The following NUTM1 variants were observed in gnomAD, a reference collection of about 807,000 sequenced individuals.
NUTM1 encodes NUT family member 1.
A neutral mutation model predicts 88.7 loss-of-function variants in NUTM1; 39 were observed. The observed-to-expected ratio is 0.44, with a 90% CI of 0.34 to 0.57. NUTM1 has a LOEUF of 0.57. Ranked by LOEUF, NUTM1 falls within the 20% of genes least tolerant of loss-of-function variation. The pLI, the probability that NUTM1 is intolerant of heterozygous loss-of-function variation, is 0.01. For synonymous variants in NUTM1, 494 were observed against 538.0 expected (o/e 0.92, Z 1.13); for missense variants, 1,350 against 1,414.5 (o/e 0.95, Z 0.73).
Position 34,356,181 on chromosome 15 carries a change from A to G in NUTM1, c.2173A>G (p.Met725Val), listed in dbSNP as rs1246727362. The G allele has an allele frequency of 3.1e-6, 5 of 1,610,454 alleles. No homozygotes were observed. Among genetic ancestry groups the G allele is most frequent in the African/African-American group, 2.7e-5 (2 of 74,854 alleles). ...AMWGDDRGTP[M>V]AQSYDQNPSP... ...GTGGGGAGATGACAGAGGTACCCCC[A>G]TGGCTCAGAGTTATGATCAGAATCC... Residue 725 changes from methionine (M) to valine (V), a missense_variant, in exon 8 of 8, where the codon ATG (methionine) becomes GTG (valine). Met to Val is a conservative substitution (Grantham distance 21). This residue lies in a region of NUTM1 where 730 missense variants were observed against 728.8 expected (regional missense o/e 1.00). Transcript: ENST00000537011.
chr15:34,345,639 G>A (rs1328393919), intron 1 of NUTM1, among the ~76,000 whole-genome samples: 1 of 152,174 alleles, frequency 6.6e-6, no homozygotes, highest in Non-Finnish European at 1.5e-5. Flanking sequence ...GAGATATGTT[G>A]GTGAAGAATC....
intron 5 of NUTM1, 96 bp from the exon 6 acceptor site, chr15:34,354,350 C>T (rs1161741646): frequency 9.8e-6 from 13 of 1,321,422 alleles, no homozygotes; most frequent in Non-Finnish European, 1.4e-5. Context: ...ACTTCCCATT[C>T]TCCTGTCCAT....
chr15:34,350,045 C>T (rs73376034), intron 3 of NUTM1, among the ~76,000 whole-genome samples: 2,036 of 152,250 alleles, frequency 0.013, 51 homozygotes, highest in African/African-American at 0.048. Flanking sequence ...TTGATTATAA[C>T]GAGCTTCCCC....
Position 34,356,034 on chromosome 15 carries a change from G to A in NUTM1, c.2026G>A (p.Gly676Arg), listed in dbSNP as rs368816008. Reference sequence around the variant, plus strand: ...ACTTGCAGAGCTGGCTCCTCTGCAAGGACAAGGGTTAGAAAAGCAAGTCCT... The same window carrying A: ...ACTTGCAGAGCTGGCTCCTCTGCAAAGACAAGGGTTAGAAAAGCAAGTCCT... ...AGLAELAPLQ[G>R]QGLEKQVLGL... Residue 676 changes from glycine to arginine, a missense_variant, in exon 8 of 8, where the codon GGA becomes AGA. Coordinates refer to ENST00000537011, the MANE Select transcript of NUTM1 (RefSeq NM_001284292.2). 6.2e-5 allele frequency: 100 copies of A among 1,614,026 alleles called. No individual in the cohort carries two copies. The highest frequency in any genetic ancestry group is 8.1e-5 in the Non-Finnish European group (96 of 1,180,022).
intron 2 of NUTM1, among the ~76,000 whole-genome samples, chr15:34,346,869 C>A (rs1890600454): frequency 1.1e-5 from 1 of 87,848 alleles, no homozygotes; most frequent in African/African-American, 4.8e-5. Context: ...GGCCACAGAG[C>A]AAGACTCCAT....
intron 5 of NUTM1, among the ~76,000 whole-genome samples, chr15:34,354,083 A>C (rs1474190306): frequency 1.3e-5 from 2 of 151,696 alleles, no homozygotes; most frequent in Non-Finnish European, 2.9e-5. Flanking sequence ...GGTGAAGTAA[A>C]CTGACTACTC....
chr15:34,347,569 A>T (rs1383941626), intron 2 of NUTM1, among the ~76,000 whole-genome samples: 1 of 152,086 alleles, frequency 6.6e-6, no homozygotes, highest in Non-Finnish European at 1.5e-5. Context: ...CTACAAAAAA[A>T]TTTAAAAATA....
intron 1 of NUTM1, 64 bp downstream of exon 1, chr15:34,343,766 A>C (rs1890529886): frequency 2.8e-6 from 4 of 1,422,154 alleles, no homozygotes; most frequent in Non-Finnish European, 1.9e-6. Flanking sequence ...TTTTAAAAGA[A>C]TATAGAAGTT....
chr15:34,348,821 T>TTAA (rs989514126), intron 3 of NUTM1, 144 bp downstream of exon 3: 3 of 614,956 alleles, frequency 4.9e-6, no homozygotes, highest in Non-Finnish European at 8.5e-6. Context: ...GAAAAACATA[T>TTAA]TAATAATAAT....
chr15:34,345,379 C>T (rs1372405203), intron 1 of NUTM1, among the ~76,000 whole-genome samples: 1 of 152,224 alleles, frequency 6.6e-6, no homozygotes. Context: ...CTGTGGAGTA[C>T]AGAGCCTATG....
In NUTM1 at chr15:34,354,639, A is replaced by C. The variant is rs1165174741; in HGVS notation, c.1269A>C (p.Glu423Asp). Residue 423 changes from glutamate (E) to aspartate (D), a missense_variant, in exon 6 of 8, where the codon GAA (glutamate) becomes GAC (aspartate). Glu to Asp is a conservative substitution (Grantham distance 45). This residue lies in a region of NUTM1 where 126 missense variants were observed against 189.8 expected (regional missense o/e 0.66). Coordinates refer to ENST00000537011, the MANE Select transcript of NUTM1 (RefSeq NM_001284292.2). The part of the protein sequence containing the change: ...TGESDGKQEE[E>D]GQQQEEEGMY... The stretch of plus-strand genomic sequence containing the variant: ...AGTCAGATGGAAAACAAGAGGAAGA[A>C]GGGCAGCAGCAGGAGGAGGAAGGGA... 2 of 1,614,190 alleles carry C rather than the reference A, an allele frequency of 1.2e-6. No homozygotes were observed. Among genetic ancestry groups the C allele is most frequent in the African/African-American group, 2.7e-5 (2 of 75,058 alleles).
Position 34,357,079 on chromosome 15 carries a change from C to T in NUTM1, c.3071C>T (p.Ser1024Leu). The T allele has an allele frequency of 6.2e-7, 1 of 1,614,012 alleles. No homozygotes were observed. Among genetic ancestry groups the T allele is most frequent in the South Asian group, 1.1e-5 (1 of 91,066 alleles). The change falls in exon 8 of 8, where the codon TCA (serine) becomes TTA (leucine). Residue 1024 changes from serine (S) to leucine (L), a missense_variant. Ser to Leu is a moderately radical substitution (Grantham distance 145, BLOSUM62 -2). Coordinates refer to ENST00000537011, the MANE Select transcript of NUTM1 (RefSeq NM_001284292.2). ...RETSVSKTHR[S>L]ADRAKGKEKK... The stretch of plus-strand genomic sequence containing the variant: ...ACTTCTGTTAGTAAAACACACAGGT[C>T]AGCAGACAGGGCCAAAGGAAAGGAG...
chr15:34,352,677 G>A (rs1264873442), intron 4 of NUTM1, among the ~76,000 whole-genome samples: 1 of 145,414 alleles, frequency 6.9e-6, no homozygotes, highest in East Asian at 2.1e-4. Flanking sequence ...GTGGTGGCAC[G>A]CACCTGTAGT....
At position 34,354,499 on chromosome 15, in the gene NUTM1, C is replaced by T. The variant is rs1305308239; in HGVS notation, c.1129C>T (p.Arg377Cys). The change falls in exon 6 of 8, where the codon CGT becomes TGT. Residue 377 changes from arginine to cysteine, a missense_variant. This residue lies in a region of NUTM1 where 89 missense variants were observed against 76.0 expected (regional missense o/e 1.17). Transcript: ENST00000537011. ...SKTRAPRRRQ[R>C]KAQRPPAPEA... ...GACACGGGCCCCCCGCCGGCGTCAG[C>T]GTAAAGCCCAGAGACCTCCTGCTCC... 1.2e-5 allele frequency: 20 copies of T among 1,614,088 alleles called. No homozygotes were observed. In the Admixed American group the frequency reaches 2.0e-4, roughly 16 times the overall value.
rs1337635879 is a variant in NUTM1, at chr15:34,348,412, G to T, written c.544G>T (p.Gly182Cys). Reference sequence around the variant, plus strand: ...TAAGGCTGTTGGTGTCAGCCAGGAGGGTCCTCCAGGCCTTCCGCCTCAGCC... The same window carrying T: ...TAAGGCTGTTGGTGTCAGCCAGGAGTGTCCTCCAGGCCTTCCGCCTCAGCC... ...PSKAVGVSQE[G>C]PPGLPPQPPP... Residue 182 changes from glycine to cysteine, a missense_variant, in exon 3 of 8, where the codon GGT becomes TGT. Physicochemically the swap from Gly to Cys is radical, Grantham distance 159 (BLOSUM62 -3). This residue lies in a region of NUTM1 where 399 missense variants were observed against 397.9 expected (regional missense o/e 1.00). Coordinates refer to ENST00000537011, the MANE Select transcript of NUTM1 (RefSeq NM_001284292.2). 2 of 1,614,142 alleles carry T rather than the reference G, an allele frequency of 1.2e-6. No homozygotes were observed. Among genetic ancestry groups the T allele is most frequent in the Non-Finnish European group, 1.7e-6 (2 of 1,180,004 alleles).
In NUTM1 at chr15:34,343,604, G is replaced by C; in HGVS notation, c.-93G>C. 6.5e-7 allele frequency: 1 copy of C among 1,535,342 alleles called. No homozygotes were observed. Among genetic ancestry groups the C allele is most frequent in the Non-Finnish European group, 8.7e-7 (1 of 1,146,726 alleles). The stretch of plus-strand genomic sequence containing the variant: ...TCAATATTCCGTAAAGCGAAAGAGC[G>C]TAAAGTTATTTTATGAAACTGGTGA... On this transcript the variant is annotated 5_prime_UTR_variant, in exon 1 of 8. Transcript: ENST00000537011.
intron 3 of NUTM1, among the ~76,000 whole-genome samples, chr15:34,349,375 A>G (rs1566888665): frequency 6.6e-6 from 1 of 152,246 alleles, no homozygotes. Flanking sequence ...GGGTTAATAT[A>G]TGTGAAGTCC....
rs766070161 is a variant in NUTM1, at chr15:34,348,644, G to A, written c.776G>A (p.Ser259Asn). The part of the protein sequence containing the change: ...KALARRHLSQ[S>N]PDTEALSCFL... ...TTGGCCCGGAGGCACCTATCCCAGA[G>A]TCCTGACACAGAAGCTCTTTCCTGT... The change falls in exon 3 of 8, where the codon AGT becomes AAT. Residue 259 changes from serine to asparagine, a missense_variant. By Grantham distance (46) the Ser-to-Asn change is conservative. Transcript: ENST00000537011. The A allele has an allele frequency of 1.2e-6, 2 of 1,607,764 alleles. No individual in the cohort carries two copies. Among genetic ancestry groups the A allele is most frequent in the South Asian group, 1.1e-5 (1 of 91,076 alleles).
intron 2 of NUTM1, 57 bp from the exon 3 acceptor site, chr15:34,347,912 G>A: frequency 3.0e-6 from 3 of 984,900 alleles, no homozygotes; most frequent in Non-Finnish European, 1.5e-6. Flanking sequence ...AATTCAGATG[G>A]CTAACTCTGG....
Sources: gnomAD v4.1 joint callset for allele counts (sites outside exome capture counted in the v4.1 genomes callset) on GRCh38, gnomAD v4.1.1 for gene constraint, gnomAD v4.1.1 regional missense constraint, MANE v1.5 for transcripts, NCBI Gene and HGNC (gene_info 2026-07-23, HGNC 2026-07-21) for gene names.